SAMD12: variants seen among roughly 807,000 people sequenced by gnomAD.
The protein encoded by SAMD12 is sterile alpha motif domain-containing protein 12.
Under a neutral mutation model 15.0 loss-of-function variants are expected in SAMD12, and 9 were observed. The ratio of observed to expected loss-of-function variants is 0.60; its 90% CI spans 0.36 to 1.05. The LOEUF (loss-of-function observed/expected upper bound fraction) is 1.05, where lower values mean the gene tolerates loss of function less well. Ranked by LOEUF, SAMD12 falls within the 50% of genes least tolerant of loss-of-function variation. The pLI is 0.01. For missense variants in SAMD12, 230 were observed against 234.2 expected (o/e 0.98, Z 0.12); for synonymous variants, 86 against 90.1 (o/e 0.96, Z 0.25).
At chr8:118,204,733 G>A (rs1006031492) in intron 4 of SAMD12, among the ~76,000 whole-genome samples, 1 of 151,914 alleles carries the variant, frequency 6.6e-6, no homozygotes, top group Admixed American at 6.6e-5. Flanking sequence ...CAGCCTAGGC[G>A]ACAGAGCGAG....
chr8:118,306,430 T>G (rs886599467), intron 4 of SAMD12, among the ~76,000 whole-genome samples: 2 of 152,202 alleles, frequency 1.3e-5, no homozygotes, highest in African/African-American at 4.8e-5. Flanking sequence ...GATGGATGAC[T>G]CTAAACCTTC....
chr8:118,533,067 T>C (rs1246884127), intron 2 of SAMD12, among the ~76,000 whole-genome samples: 12 of 152,238 alleles, frequency 7.9e-5, no homozygotes, highest in Non-Finnish European at 1.8e-4. Flanking sequence ...CTTTCTCTTG[T>C]GGGCATTTAG....
At chr8:118,593,884 G>C (rs922158633) in intron 1 of SAMD12, among the ~76,000 whole-genome samples, 1 of 152,174 alleles carries the variant, frequency 6.6e-6, no homozygotes, top group Non-Finnish European at 1.5e-5. Flanking sequence ...TTCTAAAAAT[G>C]TAGTTCTTTA....
chr8:118,564,607 A>G (rs1007360289), intron 2 of SAMD12, among the ~76,000 whole-genome samples: 1 of 152,196 alleles, frequency 6.6e-6, no homozygotes, highest in African/African-American at 2.4e-5. Context: ...AAGCATACCC[A>G]TCTTTGTTGG....
In SAMD12 at chr8:118,621,794, C is replaced by T; in HGVS notation, c.13+10G>A. ...AGAGGGAGCTTAAAAATGCCCCAAG[C>T]GTCCCTTACCTTCCACAGCCATTCT... On this transcript the variant is annotated intron_variant, in intron 1 of 3. Transcript: ENST00000314727. The T allele has an allele frequency of 6.2e-7, 1 of 1,614,014 alleles. No homozygotes were observed. Among genetic ancestry groups the T allele is most frequent in the Non-Finnish European group, 8.5e-7 (1 of 1,179,904 alleles).
chr8:118,227,989 T>C (rs923616967), intron 4 of SAMD12, among the ~76,000 whole-genome samples: 21 of 152,166 alleles, frequency 1.4e-4, no homozygotes, highest in Admixed American at 9.2e-4. Context: ...CAAATGCTTA[T>C]AGGCAACTGA....
At chr8:118,311,372 C>A (rs1815623420) in intron 4 of SAMD12, among the ~76,000 whole-genome samples, 1 of 152,206 alleles carries the variant, frequency 6.6e-6, no homozygotes, top group Admixed American at 6.5e-5. Context: ...CACAGCCAAG[C>A]ACATATTCAT....
chr8:118,339,197 T>C (rs1295290296), intron 4 of SAMD12, among the ~76,000 whole-genome samples: 3 of 151,964 alleles, frequency 2.0e-5, no homozygotes, highest in Non-Finnish European at 4.4e-5. Flanking sequence ...GGTTTGGTAG[T>C]GCATGCCTGT....
At chr8:118,204,323 T>G (rs1282056901) in intron 4 of SAMD12, among the ~76,000 whole-genome samples, 1 of 152,104 alleles carries the variant, frequency 6.6e-6, no homozygotes, top group Non-Finnish European at 1.5e-5. Context: ...ATATGTATTC[T>G]CAGCAGCGCT....
At chr8:118,156,488 A>G in the SAMD12 span, among the ~76,000 whole-genome samples, 1 of 152,180 alleles carries the variant, frequency 6.6e-6, no homozygotes, top group East Asian at 1.9e-4. Context: ...CAGATCCTGC[A>G]TGTTTTGAAA....
chr8:118,473,008 G>A (rs926157965), intron 2 of SAMD12, among the ~76,000 whole-genome samples: 18 of 152,254 alleles, frequency 1.2e-4, no homozygotes, highest in Non-Finnish European at 2.1e-4. Flanking sequence ...GTCCCAGGAG[G>A]CTGACCTCTA....
Position 118,498,223 on chromosome 8 carries a change from G to A in SAMD12, c.193-58262C>T, listed in dbSNP as rs17829808. Among the ~76,000 whole-genome samples, 306 of 152,128 alleles carry A rather than the reference G, an allele frequency of 2.0e-3. 9 individuals carry two copies. The East Asian group carries it at 0.047, about 24-fold the overall frequency. On this transcript the variant is annotated intron_variant, in intron 2 of 3. Transcript: ENST00000314727. The stretch of plus-strand genomic sequence containing the variant: ...AACCCATTTAATCTTTTCAATGACC[G>A]CCAAGTCACAGGAACAGTCTCAGCT...
intron 2 of SAMD12, among the ~76,000 whole-genome samples, chr8:118,499,325 G>C (rs1006137716): frequency 6.7e-4 from 102 of 152,156 alleles, no homozygotes; most frequent in African/African-American, 2.3e-3. Flanking sequence ...CAGGCACAGA[G>C]GGAGAGAAGG....
chr8:118,197,554 T>C (rs553475969), exon 5 of SAMD12: 3 of 754,334 alleles, frequency 4.0e-6, no homozygotes, highest in East Asian at 4.9e-5. Flanking sequence ...CCAAAACCCA[T>C]AATATTGACT....
At chr8:118,562,148 G>C (rs544387202) in intron 2 of SAMD12, among the ~76,000 whole-genome samples, 1 of 152,186 alleles carries the variant, frequency 6.6e-6, no homozygotes, top group Non-Finnish European at 1.5e-5. Context: ...TGTGTCAAAG[G>C]CTTATGAGTT....
intron 4 of SAMD12, among the ~76,000 whole-genome samples, chr8:118,330,544 A>G (rs955025788): frequency 1.3e-5 from 2 of 152,254 alleles, no homozygotes; most frequent in Non-Finnish European, 2.9e-5. Context: ...AAAGAATCAT[A>G]TACTTTGGAA....
At chr8:118,521,387 T>C (rs548098332) in intron 2 of SAMD12, among the ~76,000 whole-genome samples, 67 of 152,310 alleles carry the variant, frequency 4.4e-4, no homozygotes, top group African/African-American at 1.6e-3. Context: ...GTGTTATATG[T>C]AGGATTTTGT....
At chr8:118,364,649 G>C (rs1035597872) in intron 4 of SAMD12, among the ~76,000 whole-genome samples, 2 of 152,144 alleles carry the variant, frequency 1.3e-5, no homozygotes, top group African/African-American at 4.8e-5. Context: ...CAGTGCCTGG[G>C]CCTGAGGGTC....
chr8:118,320,833 A>G (rs1365824086), intron 4 of SAMD12, among the ~76,000 whole-genome samples: 5 of 149,244 alleles, frequency 3.4e-5, no homozygotes, highest in South Asian at 2.1e-4. Context: ...ATATATATAT[A>G]TATAAAAATC....
Sources: allele counts gnomAD v4.1 joint callset (sites outside exome capture counted in the v4.1 genomes callset), GRCh38; gene constraint gnomAD v4.1.1; transcripts MANE v1.5; gene names NCBI Gene and HGNC (gene_info 2026-07-23, HGNC 2026-07-21).